The following ITPR1 variants were observed in gnomAD, a reference collection of about 807,000 sequenced individuals.
ITPR1 encodes inositol 1,4,5-trisphosphate receptor type 1, also known as inositol 1,4,5-trisphosphate-gated calcium channel ITPR1.
ITPR1 carries 96 observed loss-of-function variants against 318.4 expected under a neutral mutation model. The ratio of observed to expected loss-of-function variants is 0.30; its 90% CI spans 0.26 to 0.36. The LOEUF is 0.36. ITPR1 is among the 10% of genes least tolerant of loss of function. The pLI, the probability that ITPR1 is intolerant of heterozygous loss-of-function variation, is 1.00. For missense variants in ITPR1, 2,440 were observed against 3,460.2 expected (o/e 0.71, Z 7.40); for synonymous variants, 1,312 against 1,289.9 (o/e 1.02, Z -0.37).
At chr3:4,696,539 T>C (rs6442900) in intron 33 of ITPR1, among the ~76,000 whole-genome samples, 13 of 151,780 alleles carry the variant, frequency 8.6e-5, no homozygotes, top group Admixed American at 4.6e-4. Context: ...TGTTTCCGCT[T>C]TTTGACTATT....
chr3:4,837,375 A>C (rs2050997878), intron 61 of ITPR1, among the ~76,000 whole-genome samples: 1 of 152,062 alleles, frequency 6.6e-6, no homozygotes, highest in Admixed American at 6.5e-5. Context: ...CCTAGGCTAA[A>C]CCATAGTCAT....
At chr3:4,633,235 C>T (rs2093072161) in intron 5 of ITPR1, among the ~76,000 whole-genome samples, 1 of 152,162 alleles carries the variant, frequency 6.6e-6, no homozygotes, top group Non-Finnish European at 1.5e-5. Context: ...TGGGCCCGGC[C>T]TCAGGTCTTG....
intron 4 of ITPR1, among the ~76,000 whole-genome samples, chr3:4,567,204 C>T (rs922293290): frequency 2.6e-5 from 4 of 152,156 alleles, no homozygotes; most frequent in Non-Finnish European, 5.9e-5. Flanking sequence ...GTCTCCCCTT[C>T]AATTCTTACC....
chr3:4,706,638 C>A (rs1004250026), intron 37 of ITPR1, among the ~76,000 whole-genome samples: 2 of 152,152 alleles, frequency 1.3e-5, no homozygotes, highest in Non-Finnish European at 2.9e-5. Flanking sequence ...TGAAGTATTA[C>A]AGAGGATGTT....
chr3:4,702,059 A>G (rs530713503), intron 35 of ITPR1, among the ~76,000 whole-genome samples: 53 of 152,270 alleles, frequency 3.5e-4, no homozygotes, highest in East Asian at 2.3e-3. Flanking sequence ...ACAGCTATCT[A>G]TCTTTGCCTT....
At chr3:4,756,444 A>G (rs1385644871) in intron 44 of ITPR1, among the ~76,000 whole-genome samples, 1 of 152,144 alleles carries the variant, frequency 6.6e-6, no homozygotes, top group Non-Finnish European at 1.5e-5. Flanking sequence ...TAAGCCCAGT[A>G]CCCAATAGTT....
chr3:4,669,806 A>C (rs774361583), intron 19 of ITPR1, 33 bp downstream of exon 19: 1 of 1,582,386 alleles, frequency 6.3e-7, no homozygotes, highest in South Asian at 1.2e-5. Context: ...GATGGAAAAC[A>C]TGGGGTTCAT....
chr3:4,506,211 C>T (rs2081381449), intron 2 of ITPR1, among the ~76,000 whole-genome samples: 1 of 152,188 alleles, frequency 6.6e-6, no homozygotes, highest in Non-Finnish European at 1.5e-5. Context: ...TTTACCCTGG[C>T]TTGTGAAGTC....
chr3:4,636,678 C>G (rs1314432997), intron 5 of ITPR1, among the ~76,000 whole-genome samples: 1 of 152,084 alleles, frequency 6.6e-6, no homozygotes, highest in Non-Finnish European at 1.5e-5. Context: ...ATCCGCCTGC[C>G]TCGGCCTCCC....
chr3:4,670,940 G>A lies in ITPR1; in HGVS notation c.2204+14G>A, dbSNP rs529693973. 56 of 1,520,700 alleles carry A rather than the reference G, an allele frequency of 3.7e-5. No individual in the cohort carries two copies. Among genetic ancestry groups the A allele is most frequent in the Admixed American group, 2.1e-4 (10 of 47,172 alleles). 94.2% of individuals were successfully genotyped at this position (1,520,700 alleles called of 1,614,324 possible). A position where few individuals can be genotyped will look rare whatever the true frequency, so the allele number is the denominator to read the frequency against. On this transcript the variant is annotated intron_variant, in intron 20 of 61. Transcript: ENST00000649015. ...CAGCTACTACAGGTGCGTGGGACAC[G>A]TGTGGGGCTCAGATTGGGGTGCCCC...
chr3:4,817,874 G>A (rs576404040), intron 59 of ITPR1, among the ~76,000 whole-genome samples: 14 of 152,304 alleles, frequency 9.2e-5, no homozygotes, highest in Non-Finnish European at 1.6e-4. Flanking sequence ...GCAGAGGTGG[G>A]ATTCAAACCC....
At chr3:4,778,409 G>A (rs371057842) in intron 48 of ITPR1, among the ~76,000 whole-genome samples, 11 of 152,282 alleles carry the variant, frequency 7.2e-5, no homozygotes, top group Admixed American at 5.9e-4. Context: ...TTGGCTGAAA[G>A]GTTGAGCTGT....
chr3:4,811,238 T>C (rs2048925055), intron 55 of ITPR1, 27 bp from the exon 56 acceptor site: 1 of 1,493,856 alleles, frequency 6.7e-7, no homozygotes, highest in South Asian at 1.4e-5. Context: ...CAAGGCTTCT[T>C]AAAATTCTTT....
intron 2 of ITPR1, among the ~76,000 whole-genome samples, chr3:4,509,639 T>C (rs1161143634): frequency 2.0e-5 from 3 of 151,906 alleles, no homozygotes; most frequent in Non-Finnish European, 4.4e-5. Context: ...AAAATAAGAA[T>C]GAAAAAACTT....
intron 34 of ITPR1, among the ~76,000 whole-genome samples, chr3:4,699,412 C>T (rs1362326208): frequency 6.6e-6 from 1 of 151,856 alleles, no homozygotes; most frequent in Non-Finnish European, 1.5e-5. Flanking sequence ...TAACATTTGA[C>T]TATTTGGATG....
At chr3:4,839,408 TG>T (rs913515575) in intron 61 of ITPR1, among the ~76,000 whole-genome samples, 1 of 152,118 alleles carries the variant, frequency 6.6e-6, no homozygotes, top group African/African-American at 2.4e-5. Context: ...ATTTTCTTGA[TG>T]AGGATACCAA....
chr3:4,735,364 C>T lies in ITPR1; in HGVS notation c.5544+10C>T, dbSNP rs191829356. The stretch of plus-strand genomic sequence containing the variant: ...CAACACCACCATCCAGGTAGGAAGG[C>T]AGCTTGGCTACTGGTATGGCATCCC... On this transcript the variant is annotated intron_variant, in intron 44 of 61. Coordinates refer to ENST00000649015, the MANE Select transcript of ITPR1 (RefSeq NM_001378452.1). 8.5e-5 allele frequency: 137 copies of T among 1,610,988 alleles called. No homozygotes were observed. The African/African-American group carries it at 1.5e-3, about 18-fold the overall frequency.
rs1414116542 is a variant in ITPR1, at chr3:4,826,874, C to A, written c.8028+8632C>A. On this transcript the variant is annotated intron_variant, in intron 60 of 61. Transcript: ENST00000649015. The surrounding 1 kb of genome is among the most constrained non-coding windows in gnomAD (Gnocchi z 4.2). ...TGAGTTGAGCAGAGCCATGATCCTC[C>A]CTGAAGGAGCTTGTGTGCTAAGGGA... Among the ~76,000 whole-genome samples, 1 of 152,084 alleles carries A rather than the reference C, an allele frequency of 6.6e-6. No individual in the cohort carries two copies. The highest frequency in any genetic ancestry group is 1.5e-5 in the Non-Finnish European group (1 of 68,022).
chr3:4,805,597 G>T lies in ITPR1; in HGVS notation c.7108-506G>T, dbSNP rs568943304. 1.7e-4 allele frequency among the ~76,000 whole-genome samples: 26 copies of T among 152,198 alleles called. 1 individual carries two copies. The highest frequency in any genetic ancestry group is 6.0e-4 in the African/African-American group (25 of 41,558). ...GTCCCTTATATTTTTTTTCCCCCAAGAAAATTGTTGTTTTCCCTGTGAACT... is the reference window on the plus strand; with the variant it reads ...GTCCCTTATATTTTTTTTCCCCCAATAAAATTGTTGTTTTCCCTGTGAACT... On this transcript the variant is annotated intron_variant, in intron 54 of 61. Coordinates refer to ENST00000649015, the MANE Select transcript of ITPR1 (RefSeq NM_001378452.1).
Sources: gnomAD v4.1 joint callset for allele counts (sites outside exome capture counted in the v4.1 genomes callset) on GRCh38, gnomAD v4.1.1 for gene constraint, Gnocchi (gnomAD v3.1) non-coding constraint, MANE v1.5 for transcripts, NCBI Gene and HGNC (gene_info 2026-07-23, HGNC 2026-07-21) for gene names.